The following KCNMA1 variants were observed in gnomAD, a reference collection of about 807,000 sequenced individuals.
The protein encoded by KCNMA1 is Calcium-activated potassium channel subunit alpha-1.
Under a neutral mutation model 140.0 loss-of-function variants are expected in KCNMA1, and 29 were observed. The ratio of observed to expected loss-of-function variants is 0.21; its 90% CI spans 0.15 to 0.28. The LOEUF is 0.28. Ranked by LOEUF, KCNMA1 falls within the 10% of genes least tolerant of loss-of-function variation. The probability of loss-of-function intolerance (pLI) is 1.00; values close to 1 mark genes in which losing one functional copy is unlikely to be tolerated. For missense variants in KCNMA1, 880 were observed against 1,602.2 expected (o/e 0.55, Z 7.70); for synonymous variants, 612 against 611.9 (o/e 1.00, Z 0.00).
intron 5 of KCNMA1, among the ~76,000 whole-genome samples, chr10:77,142,123 T>C (rs2098186744): frequency 6.6e-6 from 1 of 152,042 alleles, no homozygotes; most frequent in African/African-American, 2.4e-5. Context: ...ATCCCAGCAC[T>C]TTGGGAGGCC....
chr10:77,522,229 C>T (rs1386970922), intron 1 of KCNMA1, among the ~76,000 whole-genome samples: 1 of 143,710 alleles, frequency 7.0e-6, no homozygotes, highest in Non-Finnish European at 1.5e-5. Flanking sequence ...ACTTCCTGCA[C>T]ATTCCCATGA....
intron 1 of KCNMA1, among the ~76,000 whole-genome samples, chr10:77,464,960 G>A (rs2097957042): frequency 6.6e-6 from 1 of 152,188 alleles, no homozygotes; most frequent in African/African-American, 2.4e-5. Flanking sequence ...CCTGCCTTCT[G>A]CACAGGACGA....
chr10:77,607,501 C>T (rs2084964999), intron 1 of KCNMA1, among the ~76,000 whole-genome samples: 1 of 152,106 alleles, frequency 6.6e-6, no homozygotes, highest in Non-Finnish European at 1.5e-5. Flanking sequence ...AAGAGATTAG[C>T]CTGGATCATC....
intron 3 of KCNMA1, among the ~76,000 whole-genome samples, chr10:77,243,646 G>A (rs1314344546): frequency 6.6e-6 from 1 of 152,208 alleles, no homozygotes; most frequent in African/African-American, 2.4e-5. Flanking sequence ...TTATCAGATA[G>A]TGTTTCCACA....
Position 77,603,236 on chromosome 10 carries a change from T to C in KCNMA1, c.378+34029A>G, listed in dbSNP as rs142162189. On this transcript the variant is annotated intron_variant, in intron 1 of 27. Transcript: ENST00000286628. ...AAATAAAGCAACAGGCAATGGTGTT[T>C]TTAATGCCAGCGTTCGCAGGACTTC... 1.1e-4 allele frequency among the ~76,000 whole-genome samples: 17 copies of C among 152,266 alleles called. No homozygotes were observed. In the East Asian group the frequency reaches 3.3e-3, roughly 29 times the overall value.
At chr10:77,612,148 G>T (rs377389072) in intron 1 of KCNMA1, among the ~76,000 whole-genome samples, 20 of 152,224 alleles carry the variant, frequency 1.3e-4, no homozygotes, top group Middle Eastern at 3.4e-3. Context: ...GGACATCAGA[G>T]CCCAGCACCA....
At chr10:77,160,027 A>G (rs2098538132) in intron 5 of KCNMA1, among the ~76,000 whole-genome samples, 1 of 152,210 alleles carries the variant, frequency 6.6e-6, no homozygotes, top group South Asian at 2.1e-4. Context: ...AAATAAGTGG[A>G]TGGAGGTGGA....
chr10:77,491,074 C>T (rs1279732431), intron 1 of KCNMA1, among the ~76,000 whole-genome samples: 3 of 152,196 alleles, frequency 2.0e-5, no homozygotes, highest in African/African-American at 2.4e-5. Flanking sequence ...CACCTCTTTC[C>T]GTGCAAGTCA....
chr10:76,991,172 T>C (rs1258555824), intron 19 of KCNMA1, among the ~76,000 whole-genome samples: 3 of 152,204 alleles, frequency 2.0e-5, no homozygotes, highest in Non-Finnish European at 4.4e-5. Context: ...GCCCAATGCA[T>C]TGGTTTTATG....
chr10:77,309,434 G>A (rs1209976618), intron 2 of KCNMA1: 1 of 152,236 alleles, frequency 6.6e-6, no homozygotes, highest in Admixed American at 6.5e-5. Context: ...CTAATAAACA[G>A]TAAAACCGCC....
intron 2 of KCNMA1, chr10:77,350,860 C>G (rs1474949432): frequency 6.6e-6 from 1 of 152,166 alleles, no homozygotes; most frequent in East Asian, 1.9e-4. Flanking sequence ...TGGGCAACCA[C>G]AGGGATTGCT....
chr10:77,213,919 A>T (rs754805115), intron 3 of KCNMA1, among the ~76,000 whole-genome samples: 1 of 151,862 alleles, frequency 6.6e-6, no homozygotes, highest in African/African-American at 2.4e-5. Context: ...GAAATCTCCA[A>T]ATTCTGGACA....
At chr10:77,446,494 C>G (rs1377576748) in intron 1 of KCNMA1, among the ~76,000 whole-genome samples, 3 of 152,210 alleles carry the variant, frequency 2.0e-5, no homozygotes, top group Non-Finnish European at 4.4e-5. Flanking sequence ...AATGAAAGGG[C>G]CCAGGGAGAT....
intron 3 of KCNMA1, among the ~76,000 whole-genome samples, chr10:77,214,076 T>C (rs1412628270): frequency 6.6e-6 from 1 of 152,020 alleles, no homozygotes; most frequent in Non-Finnish European, 1.5e-5. Flanking sequence ...CAGCCCTACT[T>C]CACACCAGCT....
At chr10:77,206,484 C>A (rs1167948348) in intron 3 of KCNMA1, among the ~76,000 whole-genome samples, 1 of 152,090 alleles carries the variant, frequency 6.6e-6, no homozygotes, top group Admixed American at 6.6e-5. Flanking sequence ...TAAAGTCATG[C>A]GCCAAACTTC....
chr10:77,223,966 C>T (rs1481832636), intron 3 of KCNMA1, among the ~76,000 whole-genome samples: 2 of 152,200 alleles, frequency 1.3e-5, no homozygotes, highest in Admixed American at 1.3e-4. Context: ...CCAGCAGCTA[C>T]AGGAGGGCTC....
At chr10:77,548,541 A>G (rs565886284) in intron 1 of KCNMA1, among the ~76,000 whole-genome samples, 33 of 152,350 alleles carry the variant, frequency 2.2e-4, no homozygotes, top group African/African-American at 7.9e-4. Flanking sequence ...AAGCAGGGTC[A>G]ATGGAATCCA....
At chr10:77,011,582 C>G (rs1418470983) in intron 18 of KCNMA1, among the ~76,000 whole-genome samples, 1 of 152,134 alleles carries the variant, frequency 6.6e-6, no homozygotes, top group Admixed American at 6.5e-5. Context: ...CTCTCTCAAC[C>G]CTATATACTC....
chr10:77,627,708 C>A (rs541039019), intron 1 of KCNMA1, among the ~76,000 whole-genome samples: 1 of 152,322 alleles, frequency 6.6e-6, no homozygotes, highest in South Asian at 2.1e-4. Flanking sequence ...GCTTGTTCTG[C>A]ATGTCCCAGA....
Sources: allele counts gnomAD v4.1 joint callset (sites outside exome capture counted in the v4.1 genomes callset), GRCh38; gene constraint gnomAD v4.1.1; transcripts MANE v1.5; gene names NCBI Gene and HGNC (gene_info 2026-07-23, HGNC 2026-07-21).